Variants in FAM120B observed in about 807,000 individuals in gnomAD.
The protein encoded by FAM120B is family with sequence similarity 120 member B, also known as constitutive coactivator of peroxisome proliferator-activated receptor gamma.
In FAM120B, 83 loss-of-function variants were observed where a neutral mutation model predicts 96.3. That is an observed-to-expected ratio of 0.86 (90% CI 0.72 to 1.03). The LOEUF (loss-of-function observed/expected upper bound fraction) is 1.03. FAM120B is among the 50% of genes least tolerant of loss of function. The pLI is 0.00. For missense variants in FAM120B, 1,027 were observed against 1,121.2 expected, an observed-to-expected ratio of 0.92 and a Z score of 1.20; for synonymous variants, 407 against 402.7, an observed-to-expected ratio of 1.01 and a Z score of -0.13.
chr6:170,390,479 A>G (rs10946257), intron 7 of FAM120B, among the ~76,000 whole-genome samples: 16,396 of 147,960 alleles, frequency 0.11, 1,082 homozygotes, highest in East Asian at 0.21. Context: ...CTAGTTTGGG[A>G]AAAAAAAAAA....
chr6:170,379,840 CT>C (rs1436821685), intron 6 of FAM120B, among the ~76,000 whole-genome samples: 1 of 152,154 alleles, frequency 6.6e-6, no homozygotes, highest in East Asian at 1.9e-4. Context: ...TATCCATCAC[CT>C]TTTGTGTATG....
intron 9 of FAM120B, among the ~76,000 whole-genome samples, chr6:170,399,956 G>T (rs1243798853): frequency 9.2e-6 from 1 of 108,988 alleles, no homozygotes; most frequent in Non-Finnish European, 1.7e-5. Context: ...GGGGAAGGTA[G>T]AACTATGTCA....
At chr6:170,292,083 G>A (rs1173881629), upstream of FAM120B, among the ~76,000 whole-genome samples, 1 of 152,288 alleles carries the variant, frequency 6.6e-6, no homozygotes, top group African/African-American at 2.4e-5. The surrounding 1 kb of genome is among the most constrained non-coding windows in gnomAD (Gnocchi z 6.6). Flanking sequence ...ACAATGCGGA[G>A]AGAAAGAGCT....
At chr6:170,386,049 C>T (rs1790168348) in intron 6 of FAM120B, among the ~76,000 whole-genome samples, 1 of 152,082 alleles carries the variant, frequency 6.6e-6, no homozygotes, top group Non-Finnish European at 1.5e-5. Flanking sequence ...ATGGTGGCTC[C>T]AGGTCATTAC....
chr6:170,398,590 G>A (rs28561740), intron 9 of FAM120B, among the ~76,000 whole-genome samples: 1 of 136,174 alleles, frequency 7.3e-6, no homozygotes, highest in African/African-American at 2.9e-5. Flanking sequence ...GGAGTGAGTG[G>A]GGAAGGTAGA....
chr6:170,292,155 G>A (rs1042109183), upstream of FAM120B, among the ~76,000 whole-genome samples: 4 of 152,190 alleles, frequency 2.6e-5, no homozygotes, highest in Admixed American at 2.6e-4. This position sits in a 1 kb window ranked among gnomAD's most constrained non-coding sequence, Gnocchi z 6.6. Context: ...AGCCCCTCCA[G>A]CCCCGGCCCC....
At chr6:170,398,225 G>C (rs1009641176) in intron 9 of FAM120B, among the ~76,000 whole-genome samples, 1 of 152,244 alleles carries the variant, frequency 6.6e-6, no homozygotes, top group Non-Finnish European at 1.5e-5. Context: ...AACCTTGAGT[G>C]TCCTTTCTAG....
chr6:170,364,092 T>A (rs1369384256), intron 6 of FAM120B, among the ~76,000 whole-genome samples: 1 of 152,182 alleles, frequency 6.6e-6, no homozygotes, highest in Non-Finnish European at 1.5e-5. Context: ...GTGCTGGTGA[T>A]TTGTGCTGCA....
chr6:170,390,953 C>G, intron 7 of FAM120B, 60 bp from the exon 8 acceptor site: 1 of 1,379,534 alleles, frequency 7.2e-7, no homozygotes, highest in Non-Finnish European at 1.0e-6. Flanking sequence ...CCAGCCACAT[C>G]TGGCCCTACT....
At chr6:170,350,892 C>T (rs779529888) in intron 5 of FAM120B, among the ~76,000 whole-genome samples, 15 of 152,324 alleles carry the variant, frequency 9.8e-5, no homozygotes, top group Middle Eastern at 3.4e-3. Context: ...TTCTCCTCCA[C>T]GACTGCAACA....
chr6:170,334,653 A>G (rs1786294056), intron 4 of FAM120B, among the ~76,000 whole-genome samples: 1 of 152,046 alleles, frequency 6.6e-6, no homozygotes, highest in African/African-American at 2.4e-5. Context: ...AGTGTCTGAA[A>G]CTGCCCCGAC....
At chr6:170,348,620 A>G (rs1787371732) in intron 5 of FAM120B, among the ~76,000 whole-genome samples, 1 of 152,104 alleles carries the variant, frequency 6.6e-6, no homozygotes, top group Non-Finnish European at 1.5e-5. Flanking sequence ...TGTGGACCAT[A>G]GTGTACCTCC....
At chr6:170,362,890 G>A (rs1050031403) in intron 6 of FAM120B, among the ~76,000 whole-genome samples, 2 of 151,502 alleles carry the variant, frequency 1.3e-5, no homozygotes, top group Non-Finnish European at 2.9e-5. Context: ...TTGCTATGTT[G>A]CCCAGGATGG....
intron 6 of FAM120B, among the ~76,000 whole-genome samples, chr6:170,368,483 G>A (rs1417038199): frequency 2.0e-5 from 3 of 152,202 alleles, no homozygotes; most frequent in South Asian, 4.1e-4. Flanking sequence ...AGATCAAGCC[G>A]TTAAGATGGC....
chr6:170,326,773 C>T (rs1032446755), intron 3 of FAM120B, among the ~76,000 whole-genome samples: 2 of 152,292 alleles, frequency 1.3e-5, no homozygotes, highest in South Asian at 4.1e-4. Context: ...GAGTCTCACT[C>T]TGTTGCCCAG....
At chr6:170,373,621 A>T (rs188459386) in intron 6 of FAM120B, among the ~76,000 whole-genome samples, 2 of 152,358 alleles carry the variant, frequency 1.3e-5, no homozygotes, top group Non-Finnish European at 2.9e-5. Context: ...ACAAGTCCCA[A>T]GGTTACCGCA....
Position 170,395,551 on chromosome 6 carries a change from G to C in FAM120B, c.2664G>C (p.Gln888His). 1 of 1,598,184 alleles carries C rather than the reference G, an allele frequency of 6.3e-7. No homozygotes were observed. Among genetic ancestry groups the C allele is most frequent in the Non-Finnish European group, 8.5e-7 (1 of 1,172,482 alleles). Residue 888 changes from glutamine (Q) to histidine (H), a missense_variant, in exon 9 of 11, where the codon CAG becomes CAC. By Grantham distance (24) the Gln-to-His change is conservative (BLOSUM62 0). Coordinates refer to ENST00000476287, the MANE Select transcript of FAM120B (RefSeq NM_032448.3). ...RTGSGYSRSS[Q>H]GQPWRDQGPG... ...GCTCTGGGTATAGCCGTTCCAGTCAGGGACAGCCGTGGAGAGACCAGGGAC... is the reference window on the plus strand; with the variant it reads ...GCTCTGGGTATAGCCGTTCCAGTCACGGACAGCCGTGGAGAGACCAGGGAC...
At chr6:170,327,055 T>G (rs73034924) in intron 3 of FAM120B, among the ~76,000 whole-genome samples, 4 of 150,924 alleles carry the variant, frequency 2.7e-5, no homozygotes, top group African/African-American at 9.8e-5. Flanking sequence ...AAACTTGAAT[T>G]TTTTTTTTTG....
At chr6:170,308,678 G>A (rs1784425418) in intron 1 of FAM120B, among the ~76,000 whole-genome samples, 1 of 152,142 alleles carries the variant, frequency 6.6e-6, no homozygotes, top group Non-Finnish European at 1.5e-5. Flanking sequence ...TTTCCAAATG[G>A]TATGTTTCAA....
Sources: allele counts gnomAD v4.1 joint callset (sites outside exome capture counted in the v4.1 genomes callset), GRCh38; gene constraint gnomAD v4.1.1; non-coding constraint Gnocchi (gnomAD v3.1); transcripts MANE v1.5; gene names NCBI Gene and HGNC (gene_info 2026-07-23, HGNC 2026-07-21).